Variants in PLSCR2 observed in about 807,000 individuals in gnomAD.
PLSCR2 encodes the protein PL scramblase 2.
In PLSCR2, 18 loss-of-function variants were observed where a neutral mutation model predicts 25.3. The ratio of observed to expected loss-of-function variants is 0.71; its 90% CI spans 0.49 to 1.06. PLSCR2 has a LOEUF of 1.06. Ranked by LOEUF, PLSCR2 falls within the 50% of genes least tolerant of loss-of-function variation. The pLI, the probability that PLSCR2 is intolerant of heterozygous loss-of-function variation, is 0.00. For missense variants in PLSCR2, 243 were observed against 269.5 expected, an observed-to-expected ratio of 0.90 and a Z score of 0.69; for synonymous variants, 88 against 87.3, an observed-to-expected ratio of 1.01 and a Z score of -0.04.
At chr3:146,451,745 G>A (rs1379834863) in intron 5 of PLSCR2, among the ~76,000 whole-genome samples, 2 of 152,174 alleles carry the variant, frequency 1.3e-5, no homozygotes, top group Non-Finnish European at 2.9e-5. Flanking sequence ...CCAATAGCCA[G>A]TGGTTTAAAT....
intron 2 of PLSCR2, among the ~76,000 whole-genome samples, chr3:146,417,211 T>C (rs2039026520): frequency 6.6e-6 from 1 of 152,244 alleles, no homozygotes; most frequent in South Asian, 2.1e-4. Context: ...ACAAACCCTG[T>C]TTCCAGCTCA....
downstream of PLSCR2, among the ~76,000 whole-genome samples, chr3:146,438,558 T>C (rs1297567130): frequency 2.0e-5 from 3 of 152,218 alleles, no homozygotes; most frequent in Admixed American, 2.0e-4. Flanking sequence ...TGATCTTTGT[T>C]GGTTTAAAGT....
chr3:146,488,454 T>G (rs1049646195), intron 1 of PLSCR2, among the ~76,000 whole-genome samples: 2 of 151,924 alleles, frequency 1.3e-5, no homozygotes, highest in African/African-American at 2.4e-5. Flanking sequence ...ATATCCAGAA[T>G]CTACAAGGAA....
chr3:146,460,441 T>C (rs1313181053), exon 1 of PLSCR2, among the ~76,000 whole-genome samples: 1 of 79,376 alleles, frequency 1.3e-5, no homozygotes, highest in African/African-American at 5.0e-5. Flanking sequence ...GAGATGAAAT[T>C]GGAAAAAAAA....
At chr3:146,428,554 T>C (rs1490794365), downstream of PLSCR2, among the ~76,000 whole-genome samples, 4 of 152,236 alleles carry the variant, frequency 2.6e-5, no homozygotes, top group African/African-American at 9.6e-5. Flanking sequence ...TTCAGAGCTC[T>C]GTGTATTGCT....
intron 6 of PLSCR2, among the ~76,000 whole-genome samples, chr3:146,448,666 G>GA (rs1451864517): frequency 6.6e-6 from 1 of 152,134 alleles, no homozygotes; most frequent in Non-Finnish European, 1.5e-5. Context: ...TTGAAGTGGG[G>GA]AATGGCCTGA....
intron 1 of PLSCR2, among the ~76,000 whole-genome samples, chr3:146,493,091 C>T (rs2043609621): frequency 6.6e-6 from 1 of 151,936 alleles, no homozygotes; most frequent in African/African-American, 2.4e-5. Context: ...TACATGACCT[C>T]CCAACATTAA....
At chr3:146,438,401 G>A (rs956419157), downstream of PLSCR2, among the ~76,000 whole-genome samples, 3 of 152,224 alleles carry the variant, frequency 2.0e-5, no homozygotes, top group Admixed American at 1.3e-4. Context: ...ATTATTGTGT[G>A]GGAGTCTAAG....
At position 146,483,453 on chromosome 3, in the gene PLSCR2, G is replaced by GTATA. The variant is rs1186980145; in HGVS notation, c.-293+12438_-293+12441dup. On this transcript the variant is annotated intron_variant, in intron 1 of 8. Coordinates refer to the PLSCR2 transcript ENST00000336685. Reference sequence around the variant, plus strand: ...AATATATATATATATACACATGTATGTATATATATATATATATATACATGT... The same window carrying GTATA: ...AATATATATATATATACACATGTATGTATATATATATATATATATATATACATGT... 1.6e-3 allele frequency among the ~76,000 whole-genome samples: 52 copies of GTATA among 32,664 alleles called. 4 individuals carry two copies. Among genetic ancestry groups the GTATA allele is most frequent in the African/African-American group, 4.7e-3 (34 of 7,158 alleles). The allele number at this position is 32,664 out of a possible 152,430, so 21.4% of individuals were successfully genotyped here.
At chr3:146,392,850 C>T (rs1237058307) in intron 3 of PLSCR2, among the ~76,000 whole-genome samples, 8 of 141,250 alleles carry the variant, frequency 5.7e-5, no homozygotes, top group East Asian at 2.0e-4. Flanking sequence ...TGGGTTTATT[C>T]TTTTTTTTTT....
intron 6 of PLSCR2, 97 bp from the exon 7 acceptor site, chr3:146,441,918 C>T (rs910287049): frequency 1.4e-6 from 1 of 723,432 alleles, no homozygotes; most frequent in African/African-American, 1.8e-5. Flanking sequence ...AGTTAATTGT[C>T]TGTTAAATAA....
downstream of PLSCR2, among the ~76,000 whole-genome samples, chr3:146,431,185 A>G (rs1172435935): frequency 6.6e-6 from 1 of 150,774 alleles, no homozygotes; most frequent in Admixed American, 6.6e-5. Context: ...CTGTCCTAGG[A>G]TAATAGTAGA....
chr3:146,494,357 C>T (rs1389691766), intron 1 of PLSCR2, among the ~76,000 whole-genome samples: 1 of 151,950 alleles, frequency 6.6e-6, no homozygotes, highest in East Asian at 1.9e-4. Flanking sequence ...ATTTAAAAAT[C>T]CCAGATATGT....
intron 2 of PLSCR2, among the ~76,000 whole-genome samples, chr3:146,418,412 T>C (rs1377552925): frequency 6.6e-6 from 1 of 152,204 alleles, no homozygotes; most frequent in African/African-American, 2.4e-5. Context: ...TGATCCATTA[T>C]GGGTAAAAAT....
At chr3:146,460,738 AC>A (rs11300527), upstream of PLSCR2, among the ~76,000 whole-genome samples, 14,006 of 152,086 alleles carry the variant, frequency 0.092, 882 homozygotes, top group African/African-American at 0.18. Flanking sequence ...ATAATTATCC[AC>A]CCCAAAATAC....
At chr3:146,471,628 A>G (rs2042123504) in intron 1 of PLSCR2, among the ~76,000 whole-genome samples, 1 of 149,044 alleles carries the variant, frequency 6.7e-6, no homozygotes, top group Non-Finnish European at 1.5e-5. Flanking sequence ...GTGCAGTGGC[A>G]CGATCTCAGC....
intron 3 of PLSCR2, among the ~76,000 whole-genome samples, chr3:146,458,107 G>C (rs1214409406): frequency 6.6e-6 from 1 of 152,240 alleles, no homozygotes; most frequent in South Asian, 2.1e-4. Flanking sequence ...ATAGTGACAA[G>C]GAAAAAGAAG....
At chr3:146,491,815 A>G (rs974574901) in intron 1 of PLSCR2, among the ~76,000 whole-genome samples, 7 of 151,866 alleles carry the variant, frequency 4.6e-5, no homozygotes, top group Non-Finnish European at 7.4e-5. Context: ...CTTGCTATCC[A>G]TACTCTGAAT....
intron 2 of PLSCR2, among the ~76,000 whole-genome samples, chr3:146,428,135 CT>C (rs2039420087): frequency 6.6e-6 from 1 of 152,122 alleles, no homozygotes; most frequent in South Asian, 2.1e-4. Context: ...ATGTACTTAG[CT>C]TGTACGTGGT....
Sources: gnomAD v4.1 joint callset for allele counts (sites outside exome capture counted in the v4.1 genomes callset) on GRCh38, gnomAD v4.1.1 for gene constraint, MANE v1.5 for transcripts, NCBI Gene and HGNC (gene_info 2026-07-23, HGNC 2026-07-21) for gene names.